The following SLC4A4 variants were observed in gnomAD, a reference collection of about 807,000 sequenced individuals.
SLC4A4 encodes electrogenic sodium bicarbonate cotransporter 1.
A neutral mutation model predicts 111.5 loss-of-function variants in SLC4A4; 27 were observed. The ratio of observed to expected loss-of-function variants is 0.24; its 90% CI spans 0.18 to 0.33. SLC4A4 has a LOEUF of 0.33. Ranked by LOEUF, SLC4A4 falls within the 10% of genes least tolerant of loss-of-function variation. The pLI is 1.00. For missense variants in SLC4A4, 909 were observed against 1,315.5 expected (o/e 0.69, Z 4.78); for synonymous variants, 443 against 463.4 (o/e 0.96, Z 0.57).
At chr4:71,201,952 C>T (rs1166296959) in intron 1 of SLC4A4, among the ~76,000 whole-genome samples, 2 of 152,160 alleles carry the variant, frequency 1.3e-5, no homozygotes, top group Non-Finnish European at 1.5e-5. Context: ...TGGCCTCCCT[C>T]AAAGTAACTT....
chr4:71,367,507 T>A (rs2148927976), intron 6 of SLC4A4, among the ~76,000 whole-genome samples: 1 of 152,340 alleles, frequency 6.6e-6, no homozygotes, highest in East Asian at 1.9e-4. Flanking sequence ...ATATTGGCTC[T>A]TTAAGCAGAT....
chr4:71,279,344 T>A (rs1723316828), intron 3 of SLC4A4, among the ~76,000 whole-genome samples: 2 of 152,324 alleles, frequency 1.3e-5, no homozygotes, highest in South Asian at 4.1e-4. Context: ...CAAGGAATAT[T>A]TGTCTTTGTG....
At chr4:71,292,842 G>GTTTTTTTT (rs869195687) in intron 3 of SLC4A4, among the ~76,000 whole-genome samples, 77 of 110,148 alleles carry the variant, frequency 7.0e-4, no homozygotes, top group African/African-American at 2.3e-3. Context: ...GGTTTTTTTT[G>GTTTTTTTT]TTTTTTTTTT....
At chr4:71,099,985 C>T (rs1742675207) in intron 2 of SLC4A4, among the ~76,000 whole-genome samples, 2 of 152,004 alleles carry the variant, frequency 1.3e-5, no homozygotes, top group African/African-American at 4.8e-5. Context: ...AAAAGTAGCC[C>T]AGGACCAGAG....
At position 71,567,018 on chromosome 4, in the gene SLC4A4, A is replaced by C. The variant is rs542016635; in HGVS notation, c.3211A>C (p.Thr1071Pro). 1 of 1,610,074 alleles carries C rather than the reference A, an allele frequency of 6.2e-7. No homozygotes were observed. Among genetic ancestry groups the C allele is most frequent in the African/African-American group, 1.3e-5 (1 of 74,786 alleles). ...TTATTTTCCAGGAGAAAGATCACCA[A>C]CATTCCTTGAACGCCACACATCATG... ...SKPSDRERSP[T>P]FLERHTSC Residue 1071 changes from threonine (T) to proline (P), a missense_variant, in exon 25 of 26, where the codon ACA becomes CCA. Thr to Pro is a conservative substitution (Grantham distance 38, BLOSUM62 -1). Coordinates refer to ENST00000264485, the MANE Select transcript of SLC4A4 (RefSeq NM_001098484.3).
rs2290399 is a variant in SLC4A4 at position 71,563,654 on chromosome 4, G to A, written c.3100-139G>A. 619,790 of 685,716 alleles carry A rather than the reference G, an allele frequency of 0.9. 282,731 individuals carry two copies. Among genetic ancestry groups the A allele is most frequent in the Non-Finnish European group, 0.96 (365,936 of 382,470 alleles). The allele number at this position is 685,716 out of a possible 1,614,324, so 42.5% of individuals were successfully genotyped here. ...GAAAGAAGGAATGCAGTTAAAAGAT[G>A]GCAAACTGGAAGTAATTATAAGGCT... is the stretch of plus-strand genomic sequence containing the variant. On this transcript the variant is annotated intron_variant, in intron 23 of 25. Transcript: ENST00000264485.
At chr4:71,225,125 G>A (rs889932614) in intron 1 of SLC4A4, among the ~76,000 whole-genome samples, 22 of 152,312 alleles carry the variant, frequency 1.4e-4, no homozygotes, top group Middle Eastern at 3.4e-3. Context: ...GCCTGGGTGG[G>A]TGGATCACCT....
intron 4 of SLC4A4, among the ~76,000 whole-genome samples, chr4:71,341,494 A>G (rs1728902250): frequency 2.0e-5 from 3 of 152,188 alleles, no homozygotes; most frequent in Non-Finnish European, 4.4e-5. Flanking sequence ...CAGATGAGCT[A>G]TAAAGGAGCA....
intron 2 of SLC4A4, among the ~76,000 whole-genome samples, chr4:71,101,264 A>G (rs1013784217): frequency 2.0e-5 from 3 of 152,172 alleles, no homozygotes; most frequent in African/African-American, 7.2e-5. Flanking sequence ...GTCTCAAAAA[A>G]ACAAAAAAAC....
chr4:71,558,279 TA>T (rs1736650454), intron 22 of SLC4A4, among the ~76,000 whole-genome samples: 1 of 152,010 alleles, frequency 6.6e-6, no homozygotes, highest in Admixed American at 6.6e-5. Flanking sequence ...AGAATTAATC[TA>T]AGTAAGAGTG....
chr4:71,498,985 G>A (rs115187614), intron 16 of SLC4A4, among the ~76,000 whole-genome samples: 1 of 152,090 alleles, frequency 6.6e-6, no homozygotes, highest in Non-Finnish European at 1.5e-5. Context: ...TGTTCTTAAA[G>A]ACACTGGGAA....
chr4:71,532,181 T>A lies in SLC4A4; in HGVS notation c.2280+6T>A. 1 of 1,463,738 alleles carries A rather than the reference T, an allele frequency of 6.8e-7. No homozygotes were observed. The highest frequency in any genetic ancestry group is 9.6e-7 in the Non-Finnish European group (1 of 1,043,046). 90.7% of individuals were successfully genotyped at this position (1,463,738 alleles called of 1,614,324 possible). The stretch of plus-strand genomic sequence containing the variant: ...TTGTGCCAAGTGAGTTCAAGGTAGG[T>A]GAATGTCTATCTTTTGGTCATTCCT... On this transcript the variant is annotated splice_donor_region_variant and intron_variant, in intron 17 of 25. Transcript: ENST00000264485.
At chr4:71,127,123 A>G (rs903379283) in intron 2 of SLC4A4, among the ~76,000 whole-genome samples, 3 of 152,222 alleles carry the variant, frequency 2.0e-5, no homozygotes, top group African/African-American at 4.8e-5. Context: ...TCATGCTAAC[A>G]TCGTATTAAC....
intron 2 of SLC4A4, among the ~76,000 whole-genome samples, chr4:71,171,766 T>C (rs1744947855): frequency 6.6e-6 from 1 of 152,222 alleles, no homozygotes; most frequent in Admixed American, 6.5e-5. Flanking sequence ...ATTACTCTGG[T>C]CTTTATTCCA....
intron 3 of SLC4A4, among the ~76,000 whole-genome samples, chr4:71,281,669 G>A (rs1291482161): frequency 6.6e-6 from 1 of 152,186 alleles, no homozygotes. Flanking sequence ...GCATTTAAGT[G>A]TAACGTGTTA....
intron 1 of SLC4A4, among the ~76,000 whole-genome samples, chr4:71,082,253 C>G (rs1742013401): frequency 6.6e-6 from 1 of 152,012 alleles, no homozygotes. Context: ...GTATCTGAGT[C>G]TCAGCTCCAA....
At chr4:71,502,655 A>T (rs1356906998) in intron 16 of SLC4A4, among the ~76,000 whole-genome samples, 2 of 152,148 alleles carry the variant, frequency 1.3e-5, no homozygotes, top group Admixed American at 1.3e-4. Context: ...AGTTTTCCTT[A>T]TTGTTGATTT....
intron 18 of SLC4A4, among the ~76,000 whole-genome samples, chr4:71,544,218 G>T (rs1735307899): frequency 1.3e-5 from 2 of 151,986 alleles, no homozygotes; most frequent in African/African-American, 4.8e-5. Context: ...TCTCACCTAG[G>T]TTGAGGAAGG....
At chr4:71,125,055 T>C (rs1349520042) in intron 2 of SLC4A4, among the ~76,000 whole-genome samples, 2 of 152,228 alleles carry the variant, frequency 1.3e-5, no homozygotes, top group Non-Finnish European at 2.9e-5. Flanking sequence ...AGGATAGCAT[T>C]GGTACTGCAT....
Sources: gnomAD v4.1 joint callset for allele counts (sites outside exome capture counted in the v4.1 genomes callset) on GRCh38, gnomAD v4.1.1 for gene constraint, MANE v1.5 for transcripts, NCBI Gene and HGNC (gene_info 2026-07-23, HGNC 2026-07-21) for gene names.